Variants in KLRG1 observed in about 807,000 individuals in gnomAD.
KLRG1 encodes the protein killer cell lectin like receptor G1, also known as killer cell lectin-like receptor subfamily G member 1.
A neutral mutation model predicts 21.8 loss-of-function variants in KLRG1; 16 were observed. The observed-to-expected ratio is 0.73, with a 90% confidence interval of 0.50 to 1.11. KLRG1 has a LOEUF of 1.11. Among genes scored for constraint, KLRG1 ranks in the 50% most tolerant of loss-of-function variants. The pLI is 0.00. For synonymous variants in KLRG1, 69 were observed against 75.9 expected (o/e 0.91, Z 0.47); for missense variants, 173 against 218.3 (o/e 0.79, Z 1.31).
the KLRG1 span, among the ~76,000 whole-genome samples, chr12:9,130,568 C>CCCTGATT: frequency 3.4e-4 from 52 of 151,934 alleles, no homozygotes; most frequent in Non-Finnish European, 6.6e-4. Context: ...AGCACCTTTT[C>CCCTGATT]AATGTTTATT....
the KLRG1 span, chr12:9,069,921 C>A: frequency 1.1e-6 from 1 of 912,038 alleles, no homozygotes; most frequent in Non-Finnish European, 1.8e-6. Context: ...TAGAATTCTT[C>A]AAATGCTTTT....
Position 9,009,803 on chromosome 12 carries a change from A to G in KLRG1, c.*266A>G, listed in dbSNP as rs1380957720. The G allele has an allele frequency of 4.2e-6, 6 of 1,423,022 alleles. No individual in the cohort carries two copies. In the East Asian group the frequency reaches 7.7e-5, roughly 18 times the overall value. The allele number at this position is 1,423,022 out of a possible 1,614,324, so 88.1% of individuals were successfully genotyped here. ...ATGTTTGTTTTTTGTATTTCTCAGT[A>G]TGGAAACTAATGCTGCCACTCTCAT... is the stretch of plus-strand genomic sequence containing the variant. On this transcript the variant is annotated 3_prime_UTR_variant, in exon 5 of 5. Transcript: ENST00000356986.
At chr12:9,073,076 C>G in the KLRG1 span, among the ~76,000 whole-genome samples, 80 of 152,306 alleles carry the variant, frequency 5.3e-4, no homozygotes, top group South Asian at 6.0e-3. Context: ...ACTGTATGCC[C>G]TACATGTTTA....
At chr12:9,060,310 T>C in the KLRG1 span, among the ~76,000 whole-genome samples, 58 of 151,142 alleles carry the variant, frequency 3.8e-4, 1 homozygote, top group East Asian at 7.1e-3. Context: ...GCGTGAGCCA[T>C]CGCACCCGGC....
At chr12:9,034,971 A>T in the KLRG1 span, among the ~76,000 whole-genome samples, 3 of 152,216 alleles carry the variant, frequency 2.0e-5, no homozygotes, top group African/African-American at 7.2e-5. Context: ...GACCCTGTGT[A>T]GGCCTTGGCT....
chr12:9,128,782 T>A, the KLRG1 span: 1 of 152,168 alleles, frequency 6.6e-6, no homozygotes. Flanking sequence ...GGGGGAAGAA[T>A]GCAATTAACT....
At chr12:9,197,401 A>G in the KLRG1 span, among the ~76,000 whole-genome samples, 1 of 141,928 alleles carries the variant, frequency 7.0e-6, no homozygotes, top group African/African-American at 2.6e-5. Flanking sequence ...TATAATTATT[A>G]TATTTTAATG....
At chr12:9,168,791 C>T in the KLRG1 span, 1 of 1,078,340 alleles carries the variant, frequency 9.3e-7, no homozygotes, top group Non-Finnish European at 1.4e-6. Context: ...AATAGGGCTA[C>T]ATTACCTCAT....
At chr12:9,125,889 C>T in the KLRG1 span, among the ~76,000 whole-genome samples, 1 of 152,176 alleles carries the variant, frequency 6.6e-6, no homozygotes, top group South Asian at 2.1e-4. Flanking sequence ...TGCTCACCAC[C>T]ATGCCTGGCT....
chr12:8,985,140 G>T (rs1946821649), upstream of KLRG1, among the ~76,000 whole-genome samples: 1 of 146,178 alleles, frequency 6.8e-6, no homozygotes, highest in African/African-American at 2.5e-5. Flanking sequence ...TATATTTATT[G>T]TTTTCCTCTG....
chr12:9,018,203 T>G, the KLRG1 span, among the ~76,000 whole-genome samples: 1 of 152,156 alleles, frequency 6.6e-6, no homozygotes, highest in Admixed American at 6.5e-5. Flanking sequence ...CAGATCAGAT[T>G]TAATACAATT....
the KLRG1 span, among the ~76,000 whole-genome samples, chr12:9,096,863 A>G: frequency 6.6e-6 from 1 of 152,196 alleles, no homozygotes; most frequent in Non-Finnish European, 1.5e-5. Flanking sequence ...TCTTTCCAGT[A>G]GCTCACTGCT....
At chr12:8,977,507 C>T (rs1042981943) in intron 1 of KLRG1, among the ~76,000 whole-genome samples, 1 of 152,046 alleles carries the variant, frequency 6.6e-6, no homozygotes, top group Non-Finnish European at 1.5e-5. Context: ...AGCCACCACA[C>T]CTGGCCTAGA....
At chr12:9,059,999 T>TAAGTAGC in the KLRG1 span, among the ~76,000 whole-genome samples, 1 of 125,584 alleles carries the variant, frequency 8.0e-6, no homozygotes, top group Non-Finnish European at 1.7e-5. Context: ...CTGGCATCTT[T>TAAGTAGC]TTTTTTTTTT....
At chr12:9,045,056 G>T in the KLRG1 span, among the ~76,000 whole-genome samples, 2 of 152,076 alleles carry the variant, frequency 1.3e-5, no homozygotes, top group African/African-American at 4.8e-5. Context: ...ACAGAAAGAG[G>T]CTGAAAAGTA....
At chr12:8,984,494 T>G (rs1946810060) in intron 1 of KLRG1, among the ~76,000 whole-genome samples, 1 of 152,166 alleles carries the variant, frequency 6.6e-6, no homozygotes, top group African/African-American at 2.4e-5. Flanking sequence ...CCTCAAATTA[T>G]CCACCTGCCC....
the KLRG1 span, chr12:9,164,992 G>T: frequency 1.0e-6 from 1 of 978,456 alleles, no homozygotes; most frequent in Non-Finnish European, 1.5e-6. Flanking sequence ...TTCTGATCAT[G>T]TCCTGCTTTG....
the KLRG1 span, chr12:9,181,275 C>T: frequency 1.9e-6 from 2 of 1,071,316 alleles, no homozygotes; most frequent in Non-Finnish European, 2.7e-6. Context: ...TTACAACTTT[C>T]CTTCACTTTA....
At chr12:8,983,395 CTTTTTTTTTTTT>C (rs764267755) in intron 1 of KLRG1, among the ~76,000 whole-genome samples, 4 of 89,540 alleles carry the variant, frequency 4.5e-5, no homozygotes, top group Non-Finnish European at 8.5e-5. Context: ...ACCATTTTAC[CTTTTTTTTTTTT>C]TTTTTTTTTT....
Sources: allele counts gnomAD v4.1 joint callset (sites outside exome capture counted in the v4.1 genomes callset), GRCh38; gene constraint gnomAD v4.1.1; transcripts MANE v1.5; gene names NCBI Gene and HGNC (gene_info 2026-07-23, HGNC 2026-07-21).